PLPPR4: variants seen among roughly 807,000 people sequenced by gnomAD.
PLPPR4 encodes the protein phospholipid phosphatase related 4.
PLPPR4 carries 24 observed loss-of-function variants against 56.6 expected under a neutral mutation model. That is an observed-to-expected ratio of 0.42 (90% CI 0.31 to 0.60). The LOEUF (loss-of-function observed/expected upper bound fraction) is 0.60. Ranked by LOEUF, PLPPR4 falls within the 20% of genes least tolerant of loss-of-function variation. The pLI, the probability that PLPPR4 is intolerant of heterozygous loss-of-function variation, is 0.13. For missense variants in PLPPR4, 654 were observed against 885.8 expected (o/e 0.74, Z 3.32); for synonymous variants, 326 against 328.1 (o/e 0.99, Z 0.07).
At chr1:99,285,691 C>A (rs1003729977) in intron 1 of PLPPR4, among the ~76,000 whole-genome samples, 31 of 152,000 alleles carry the variant, frequency 2.0e-4, no homozygotes, top group Non-Finnish European at 7.4e-5. Context: ...AGACATAATG[C>A]TGTCTTCTAA....
At chr1:99,289,145 C>A (rs952932471) in intron 2 of PLPPR4, among the ~76,000 whole-genome samples, 7 of 152,216 alleles carry the variant, frequency 4.6e-5, no homozygotes, top group Admixed American at 4.6e-4. Context: ...ATGGTATTTA[C>A]TTCTACAGTG....
intron 1 of PLPPR4, among the ~76,000 whole-genome samples, chr1:99,269,112 T>C (rs947435447): frequency 1.3e-5 from 2 of 152,152 alleles, no homozygotes; most frequent in Non-Finnish European, 2.9e-5. Context: ...TGTGTGATGT[T>C]CCCCTCCCTG....
intron 1 of PLPPR4, among the ~76,000 whole-genome samples, chr1:99,273,234 G>A (rs1659102161): frequency 6.6e-6 from 1 of 152,112 alleles, no homozygotes; most frequent in African/African-American, 2.4e-5. Context: ...CAACATAGAG[G>A]AGGTTAATGG....
At chr1:99,268,819 T>A (rs1658975610) in intron 1 of PLPPR4, among the ~76,000 whole-genome samples, 1 of 151,974 alleles carries the variant, frequency 6.6e-6, no homozygotes, top group African/African-American at 2.4e-5. Context: ...AGAGAAAAGG[T>A]TTATCATGCC....
intron 5 of PLPPR4, 121 bp from the exon 6 acceptor site, chr1:99,301,603 A>G: frequency 1.6e-6 from 1 of 607,340 alleles, no homozygotes; most frequent in Non-Finnish European, 2.8e-6. Context: ...TAGCCATAGG[A>G]AGAGGGGGTG....
chr1:99,274,835 A>T (rs1399599224), intron 1 of PLPPR4, among the ~76,000 whole-genome samples: 1 of 152,160 alleles, frequency 6.6e-6, no homozygotes, highest in Non-Finnish European at 1.5e-5. Flanking sequence ...GTTCTAAAAT[A>T]TCATATATAA....
At chr1:99,294,322 A>C (rs1659690376) in intron 2 of PLPPR4, among the ~76,000 whole-genome samples, 1 of 152,232 alleles carries the variant, frequency 6.6e-6, no homozygotes. Flanking sequence ...AGAAACCTCT[A>C]TCCATATTAC....
chr1:99,264,141 C>T (rs909021346), upstream of PLPPR4: 1 of 422,548 alleles, frequency 2.4e-6, no homozygotes, highest in Admixed American at 4.3e-5. Context: ...CTAGGAGGCT[C>T]CCCAGGAGGA....
At chr1:99,292,740 C>G (rs113046742) in intron 2 of PLPPR4, among the ~76,000 whole-genome samples, 1 of 151,734 alleles carries the variant, frequency 6.6e-6, no homozygotes. Flanking sequence ...ACAGCTTTCT[C>G]TCCAAACATA....
chr1:99,264,732 A>C (rs906676147), intron 1 of PLPPR4, 61 bp downstream of exon 1: 6 of 1,528,194 alleles, frequency 3.9e-6, no homozygotes, highest in Non-Finnish European at 5.3e-6. Flanking sequence ...GAGCGAATTC[A>C]GGTCCTGGAC....
chr1:99,302,331 T>C (rs17120194), intron 6 of PLPPR4, among the ~76,000 whole-genome samples: 8,818 of 152,110 alleles, frequency 0.058, 836 homozygotes, highest in African/African-American at 0.2. Context: ...AACACTACTC[T>C]TTTTTCAAGC....
intron 2 of PLPPR4, among the ~76,000 whole-genome samples, chr1:99,293,576 T>C (rs1189137427): frequency 1.3e-5 from 2 of 152,142 alleles, no homozygotes; most frequent in Non-Finnish European, 2.9e-5. Context: ...TACAATTTTA[T>C]TACACATTGT....
At chr1:99,271,965 C>A (rs1427832457) in intron 1 of PLPPR4, among the ~76,000 whole-genome samples, 1 of 142,314 alleles carries the variant, frequency 7.0e-6, no homozygotes, top group Admixed American at 7.1e-5. Context: ...AATCTGTGAG[C>A]AAACCATGGA....
chr1:99,264,454 A>C, upstream of PLPPR4: 1 of 1,493,178 alleles, frequency 6.7e-7, no homozygotes, highest in Non-Finnish European at 8.9e-7. Flanking sequence ...CGCTGCATGC[A>C]GCGCGCTGGC....
chr1:99,300,953 C>A lies in PLPPR4; in HGVS notation c.635C>A (p.Ala212Asp). The A allele has an allele frequency of 6.2e-7, 1 of 1,612,158 alleles. No individual in the cohort carries two copies. Among genetic ancestry groups the A allele is most frequent in the East Asian group, 2.2e-5 (1 of 44,838 alleles). ...SQHATLAAFA[A>D]VYVSMYFNST... ...CATGCAACCCTTGCTGCCTTTGCAG[C>A]TGTGTATGTTTCGGTAAGTAACTGG... is the stretch of plus-strand genomic sequence containing the variant. Residue 212 changes from alanine to aspartate, a missense_variant, in exon 5 of 7, where the codon GCT becomes GAT. Ala to Asp is a moderately radical substitution (Grantham distance 126). Transcript: ENST00000370185.
In PLPPR4 at chr1:99,306,355, C is replaced by A; in HGVS notation, c.1493C>A (p.Thr498Asn). The A allele has an allele frequency of 1.2e-6, 2 of 1,614,146 alleles. No homozygotes were observed. Among genetic ancestry groups the A allele is most frequent in the Non-Finnish European group, 1.7e-6 (2 of 1,180,028 alleles). The change falls in exon 7 of 7, where the codon ACC becomes AAC. Residue 498 changes from threonine (T) to asparagine (N), a missense_variant. Thr to Asn is a moderately conservative substitution (Grantham distance 65). Coordinates refer to ENST00000370185, the MANE Select transcript of PLPPR4 (RefSeq NM_014839.5). The surrounding 1 kb of genome is among the most constrained non-coding windows in gnomAD (Gnocchi z 4.0). ...GAGGAGACTCAGGAAAACATAAGCA[C>A]CTCCCCCAAAAGCAGCTCTGCTCGG... is the stretch of plus-strand genomic sequence containing the variant. ...IPEETQENIS[T>N]SPKSSSARAK...
chr1:99,306,427 G>A lies in PLPPR4; in HGVS notation c.1565G>A (p.Ser522Asn). 3 of 1,614,182 alleles carry A rather than the reference G, an allele frequency of 1.9e-6. No individual in the cohort carries two copies. Among genetic ancestry groups the A allele is most frequent in the Non-Finnish European group, 2.5e-6 (3 of 1,180,026 alleles). ...AAEKTVACNR[S>N]NSQPRIMQVI... ...GAAAAGACTGTGGCCTGTAACAGAA[G>A]CAACAGCCAGCCCCGAATCATGCAA... Residue 522 changes from serine (S) to asparagine (N), a missense_variant, in exon 7 of 7, where the codon AGC (serine) becomes AAC (asparagine). Coordinates refer to ENST00000370185, the MANE Select transcript of PLPPR4 (RefSeq NM_014839.5). This position sits in a 1 kb window ranked among gnomAD's most constrained non-coding sequence, Gnocchi z 4.0.
At chr1:99,304,380 T>C (rs1270669048) in intron 6 of PLPPR4, among the ~76,000 whole-genome samples, 1 of 152,180 alleles carries the variant, frequency 6.6e-6, no homozygotes, top group Admixed American at 6.5e-5. Flanking sequence ...AAGTGAACTT[T>C]ATGATGTTCA....
chr1:99,263,203 G>T (rs1330342132), upstream of PLPPR4, among the ~76,000 whole-genome samples: 3 of 152,144 alleles, frequency 2.0e-5, no homozygotes, highest in Non-Finnish European at 2.9e-5. Flanking sequence ...GCATCATGCG[G>T]TTGTGTGTTT....
Sources: allele counts gnomAD v4.1 joint callset (sites outside exome capture counted in the v4.1 genomes callset), GRCh38; gene constraint gnomAD v4.1.1; non-coding constraint Gnocchi (gnomAD v3.1); transcripts MANE v1.5; gene names NCBI Gene and HGNC (gene_info 2026-07-23, HGNC 2026-07-21).